ANKRD45: variants seen among roughly 807,000 people sequenced by gnomAD.
ANKRD45 encodes the protein ankyrin repeat domain-containing protein 45.
ANKRD45 carries 21 observed loss-of-function variants against 28.1 expected under a neutral mutation model. The ratio of observed to expected loss-of-function variants is 0.75; its 90% confidence interval spans 0.53 to 1.08. The LOEUF (loss-of-function observed/expected upper bound fraction) is 1.08. Ranked by LOEUF, ANKRD45 falls within the 50% of genes least tolerant of loss-of-function variation. ANKRD45 has a pLI of 0.00. For synonymous variants in ANKRD45, 86 were observed against 103.9 expected, an observed-to-expected ratio of 0.83 and a Z score of 1.05; for missense variants, 261 against 308.7, an observed-to-expected ratio of 0.85 and a Z score of 1.16.
chr1:173,710,353 G>A, the ANKRD45 span, among the ~76,000 whole-genome samples: 1 of 152,184 alleles, frequency 6.6e-6, no homozygotes. Flanking sequence ...TTTAGAGCAG[G>A]AGTCAAAGGA....
chr1:173,671,235 T>C (rs1452499911), upstream of ANKRD45, among the ~76,000 whole-genome samples: 1 of 152,024 alleles, frequency 6.6e-6, no homozygotes, highest in East Asian at 1.9e-4. Flanking sequence ...TCTTCCCAGA[T>C]GTCTGTAGCA....
intron 5 of ANKRD45, among the ~76,000 whole-genome samples, chr1:173,613,957 C>T (rs1667345935): frequency 6.6e-6 from 1 of 152,322 alleles, no homozygotes; most frequent in South Asian, 2.1e-4. Context: ...ATGCTTTGAC[C>T]TATGACCTTA....
intron 2 of ANKRD45, among the ~76,000 whole-genome samples, chr1:173,656,013 G>A (rs1669491716): frequency 6.6e-6 from 1 of 152,186 alleles, no homozygotes; most frequent in African/African-American, 2.4e-5. Flanking sequence ...GTGTATCATG[G>A]CTTCCCTTGG....
At position 173,653,371 on chromosome 1, in the gene ANKRD45, G is replaced by C. The variant is rs375260638; in HGVS notation, c.328+5720C>G. Among the ~76,000 whole-genome samples, 5 of 152,270 alleles carry C rather than the reference G, an allele frequency of 3.3e-5. No homozygotes were observed. The East Asian group carries it at 9.7e-4, about 29-fold the overall frequency. On this transcript the variant is annotated intron_variant, in intron 2 of 5. Coordinates refer to ENST00000333279, the MANE Select transcript of ANKRD45 (RefSeq NM_198493.3). The stretch of plus-strand genomic sequence containing the variant: ...TCATTACTTATCCAGTAGTCATTCA[G>C]GAGCAGATTGTTCAGTTTCCATGTA...
chr1:173,646,713 G>A, intron 3 of ANKRD45, 133 bp downstream of exon 3: 2 of 832,720 alleles, frequency 2.4e-6, no homozygotes, highest in Non-Finnish European at 3.7e-6. Context: ...GAAATTTCAT[G>A]TATTATCACC....
At chr1:173,616,269 A>G (rs888035269) in intron 5 of ANKRD45, among the ~76,000 whole-genome samples, 15 of 152,164 alleles carry the variant, frequency 9.9e-5, no homozygotes, top group African/African-American at 3.1e-4. Context: ...TATTTCATTT[A>G]TAAATGTTCA....
Position 173,609,552 on chromosome 1 carries a change from G to A in ANKRD45, c.*593C>T, listed in dbSNP as rs537869232. Reference sequence around the variant, plus strand: ...GTATTGCCAGCCTTACAGAATAGGAGAACTCTTCTAAGTATAAAACTATAC... The same window carrying A: ...GTATTGCCAGCCTTACAGAATAGGAAAACTCTTCTAAGTATAAAACTATAC... On this transcript the variant is annotated 3_prime_UTR_variant, in exon 6 of 6. Coordinates refer to ENST00000333279, the MANE Select transcript of ANKRD45 (RefSeq NM_198493.3). 6.6e-5 allele frequency: 10 copies of A among 152,368 alleles called. No individual in the cohort carries two copies. The highest frequency in any genetic ancestry group is 2.4e-4 in the African/African-American group (10 of 41,566). The allele number at this position is 152,368 out of a possible 1,614,324, so 9.4% of individuals were successfully genotyped here. A position where few individuals can be genotyped will look rare whatever the true frequency, so the allele number is the denominator to read the frequency against.
chr1:173,625,057 A>G lies in ANKRD45; in HGVS notation c.592-132T>C, dbSNP rs1201771448. 8 of 868,006 alleles carry G rather than the reference A, an allele frequency of 9.2e-6. No individual in the cohort carries two copies. In the Admixed American group the frequency reaches 1.7e-4, roughly 19 times the overall value. The allele number at this position is 868,006 out of a possible 1,614,324, so 53.8% of individuals were successfully genotyped here. A position where few individuals can be genotyped will look rare whatever the true frequency, so the allele number is the denominator to read the frequency against. On this transcript the variant is annotated intron_variant, in intron 4 of 5. Transcript: ENST00000333279. ...ATATTCTGTACCTGCATTGTCCAAT[A>G]CAGTAGCCATTAGATATAAATAGCT...
intron 2 of ANKRD45, among the ~76,000 whole-genome samples, chr1:173,652,301 A>G (rs745593815): frequency 3.9e-5 from 6 of 152,198 alleles, no homozygotes; most frequent in Non-Finnish European, 8.8e-5. Context: ...AGTTTTCAGC[A>G]TGAAGGTCTG....
chr1:173,673,137 G>A (rs574571276), upstream of ANKRD45, among the ~76,000 whole-genome samples: 3 of 146,610 alleles, frequency 2.0e-5, no homozygotes, highest in Non-Finnish European at 3.0e-5. Context: ...TTGAGATGGA[G>A]TCTTCTTCTG....
the ANKRD45 span, among the ~76,000 whole-genome samples, chr1:173,698,653 A>C: frequency 6.6e-6 from 1 of 152,294 alleles, no homozygotes; most frequent in African/African-American, 2.4e-5. Context: ...CAGAATCTCC[A>C]GGACACATTT....
At chr1:173,613,405 G>A (rs575776933) in intron 5 of ANKRD45, among the ~76,000 whole-genome samples, 41 of 151,610 alleles carry the variant, frequency 2.7e-4, no homozygotes, top group South Asian at 1.0e-3. Flanking sequence ...CAGCTGCCCC[G>A]TCTGGGAAGT....
intron 3 of ANKRD45, chr1:173,636,940 G>T: frequency 6.5e-7 from 1 of 1,535,690 alleles, no homozygotes; most frequent in Non-Finnish European, 8.7e-7. Context: ...TGATATACAA[G>T]ATCTGGGAGC....
At chr1:173,705,658 C>T in the ANKRD45 span, among the ~76,000 whole-genome samples, 1 of 151,784 alleles carries the variant, frequency 6.6e-6, no homozygotes, top group Non-Finnish European at 1.5e-5. Context: ...TAAAGTGAGA[C>T]TCTGTGTTAA....
chr1:173,620,806 C>T (rs976863039), intron 5 of ANKRD45, among the ~76,000 whole-genome samples: 11 of 149,908 alleles, frequency 7.3e-5, no homozygotes, highest in Admixed American at 2.7e-4. Context: ...TAATCAAAAT[C>T]GGAGCAGAAT....
chr1:173,661,613 G>A (rs754776089), intron 1 of ANKRD45, among the ~76,000 whole-genome samples: 71 of 152,084 alleles, frequency 4.7e-4, no homozygotes, highest in Non-Finnish European at 6.2e-4. Flanking sequence ...TAGATTAGAG[G>A]AGTAAGAGAC....
At chr1:173,620,511 A>G (rs1667652810) in intron 5 of ANKRD45, among the ~76,000 whole-genome samples, 1 of 152,216 alleles carries the variant, frequency 6.6e-6, no homozygotes, top group Non-Finnish European at 1.5e-5. Flanking sequence ...GAAAGACCTC[A>G]AATTAACAAC....
chr1:173,684,454 A>G, the ANKRD45 span, among the ~76,000 whole-genome samples: 2 of 152,160 alleles, frequency 1.3e-5, no homozygotes, highest in South Asian at 2.1e-4. Context: ...TGCTGTTTCA[A>G]TGAGCCTCTG....
the ANKRD45 span, among the ~76,000 whole-genome samples, chr1:173,712,503 A>G: frequency 6.6e-6 from 1 of 152,248 alleles, no homozygotes; most frequent in African/African-American, 2.4e-5. Context: ...CATGCTACAT[A>G]AGTATTTGCT....
Sources: allele counts gnomAD v4.1 joint callset (sites outside exome capture counted in the v4.1 genomes callset), GRCh38; gene constraint gnomAD v4.1.1; transcripts MANE v1.5; gene names NCBI Gene and HGNC (gene_info 2026-07-23, HGNC 2026-07-21).